The following SCFD2 variants were observed in gnomAD, a reference collection of about 807,000 sequenced individuals.
The protein encoded by SCFD2 is sec1 family domain-containing protein 2.
A neutral mutation model predicts 58.9 loss-of-function variants in SCFD2; 54 were observed. The ratio of observed to expected loss-of-function variants is 0.92; its 90% CI spans 0.74 to 1.15. The LOEUF is 1.15. Among genes scored for constraint, SCFD2 ranks in the 50% most tolerant of loss-of-function variants. SCFD2 has a pLI of 0.00. For missense variants in SCFD2, 805 were observed against 836.6 expected (o/e 0.96, Z 0.47); for synonymous variants, 321 against 335.9 (o/e 0.96, Z 0.49).
At chr4:53,238,310 C>T (rs1457594936) in intron 4 of SCFD2, among the ~76,000 whole-genome samples, 17 of 94,656 alleles carry the variant, frequency 1.8e-4, no homozygotes, top group African/African-American at 7.2e-4. Context: ...TGGGGGCTGA[C>T]CCCCCCACCT....
At chr4:53,031,024 A>C (rs2148818634) in intron 5 of SCFD2, among the ~76,000 whole-genome samples, 1 of 152,322 alleles carries the variant, frequency 6.6e-6, no homozygotes, top group East Asian at 1.9e-4. Flanking sequence ...AAAAGGCTAC[A>C]TCCAGGAGAG....
chr4:53,352,876 C>G, intron 1 of SCFD2, 110 bp from the exon 2 acceptor site: 2 of 960,864 alleles, frequency 2.1e-6, no homozygotes, highest in Non-Finnish European at 3.1e-6. Flanking sequence ...TTTTTAGTTT[C>G]TGTTCAACAA....
intron 2 of SCFD2, among the ~76,000 whole-genome samples, chr4:53,336,996 C>T (rs1285653990): frequency 6.6e-6 from 1 of 151,904 alleles, no homozygotes; most frequent in Non-Finnish European, 1.5e-5. Flanking sequence ...CAATGAGATA[C>T]CACTTCACAC....
intron 4 of SCFD2, among the ~76,000 whole-genome samples, chr4:53,230,894 A>G (rs1170643060): frequency 2.6e-5 from 4 of 152,146 alleles, no homozygotes; most frequent in South Asian, 2.1e-4. Flanking sequence ...CACTAACTAT[A>G]AAGAACTATA....
chr4:53,080,011 A>G (rs1724094404), intron 5 of SCFD2, among the ~76,000 whole-genome samples: 1 of 152,220 alleles, frequency 6.6e-6, no homozygotes, highest in Admixed American at 6.5e-5. Flanking sequence ...TGTGTAACAC[A>G]TATAGACAGA....
At chr4:52,939,224 T>G (rs1720224063) in intron 5 of SCFD2, among the ~76,000 whole-genome samples, 1 of 152,220 alleles carries the variant, frequency 6.6e-6, no homozygotes, top group Admixed American at 6.5e-5. Flanking sequence ...TGCAGCCAAT[T>G]AGAAAGAAAA....
intron 5 of SCFD2, among the ~76,000 whole-genome samples, chr4:53,103,050 C>A (rs1340320548): frequency 6.6e-6 from 1 of 152,026 alleles, no homozygotes; most frequent in Non-Finnish European, 1.5e-5. Flanking sequence ...CCTTTACAAC[C>A]ATCACTGTAA....
At chr4:53,219,054 G>C (rs1437275415) in intron 4 of SCFD2, among the ~76,000 whole-genome samples, 1 of 152,202 alleles carries the variant, frequency 6.6e-6, no homozygotes, top group Non-Finnish European at 1.5e-5. Flanking sequence ...CCCTACTAGA[G>C]GGTGCCTCCC....
chr4:53,009,076 C>T (rs775415895), intron 5 of SCFD2, among the ~76,000 whole-genome samples: 7 of 152,188 alleles, frequency 4.6e-5, no homozygotes, highest in East Asian at 1.9e-4. Flanking sequence ...CTACCTTTGA[C>T]GAACTTGCCA....
intron 5 of SCFD2, among the ~76,000 whole-genome samples, chr4:53,047,300 T>G (rs1317021318): frequency 1.3e-5 from 2 of 151,938 alleles, no homozygotes; most frequent in African/African-American, 2.4e-5. Context: ...ATTAAAAAAT[T>G]AGGCAGGCTT....
intron 4 of SCFD2, among the ~76,000 whole-genome samples, chr4:53,261,125 G>A (rs536069339): frequency 1.3e-5 from 2 of 151,930 alleles, no homozygotes; most frequent in South Asian, 2.1e-4. Context: ...TCTTTTCTTG[G>A]TTAATGTCGC....
chr4:52,904,537 C>T (rs1016207442), intron 7 of SCFD2, among the ~76,000 whole-genome samples: 2 of 152,170 alleles, frequency 1.3e-5, no homozygotes, highest in African/African-American at 4.8e-5. Context: ...AGTCCCAGGG[C>T]CAAGTCGCAG....
chr4:53,240,851 G>C (rs1729870690), intron 4 of SCFD2, among the ~76,000 whole-genome samples: 1 of 152,224 alleles, frequency 6.6e-6, no homozygotes, highest in Admixed American at 6.5e-5. Context: ...AGTTTGAGAT[G>C]AAGAAAAGAA....
intron 5 of SCFD2, among the ~76,000 whole-genome samples, chr4:53,091,069 T>C (rs1724455161): frequency 6.6e-6 from 1 of 152,184 alleles, no homozygotes; most frequent in Admixed American, 6.6e-5. Flanking sequence ...TATTTTTGGA[T>C]GGCAATTATG....
At chr4:53,154,577 A>G (rs542150422) in intron 4 of SCFD2, among the ~76,000 whole-genome samples, 1 of 152,266 alleles carries the variant, frequency 6.6e-6, no homozygotes, top group African/African-American at 2.4e-5. Flanking sequence ...AAACTATATC[A>G]TCCTCCAAGC....
chr4:53,329,613 A>G (rs1733355886), intron 2 of SCFD2, among the ~76,000 whole-genome samples: 2 of 152,106 alleles, frequency 1.3e-5, no homozygotes, highest in African/African-American at 2.4e-5. Flanking sequence ...ATCATCAAAG[A>G]CCAAAAGTAG....
At chr4:52,934,664 C>T (rs1390832138) in intron 5 of SCFD2, among the ~76,000 whole-genome samples, 2 of 152,178 alleles carry the variant, frequency 1.3e-5, no homozygotes, top group East Asian at 1.9e-4. Flanking sequence ...ACTGGGTTTT[C>T]AGCACATCAC....
chr4:53,128,961 A>G (rs1447823716), intron 5 of SCFD2, among the ~76,000 whole-genome samples: 1 of 152,236 alleles, frequency 6.6e-6, no homozygotes, highest in Non-Finnish European at 1.5e-5. Flanking sequence ...GTACATCACT[A>G]TGTGAGAAGA....
At chr4:53,285,027 A>G (rs1158511324) in intron 3 of SCFD2, among the ~76,000 whole-genome samples, 1 of 152,224 alleles carries the variant, frequency 6.6e-6, no homozygotes, top group African/African-American at 2.4e-5. Context: ...AATTACATGA[A>G]TCAATTCAAA....
Sources: allele counts gnomAD v4.1 joint callset (sites outside exome capture counted in the v4.1 genomes callset), GRCh38; gene constraint gnomAD v4.1.1; transcripts MANE v1.5; gene names NCBI Gene and HGNC (gene_info 2026-07-23, HGNC 2026-07-21).